DCC: variants seen among roughly 807,000 people sequenced by gnomAD.
The protein encoded by DCC is DCC netrin 1 receptor, also known as netrin receptor DCC.
In DCC, 58 loss-of-function variants were observed where a neutral mutation model predicts 172.5. The ratio of observed to expected loss-of-function variants is 0.34; its 90% CI spans 0.27 to 0.42. The LOEUF is 0.42. Ranked by LOEUF, DCC falls within the 10% of genes least tolerant of loss-of-function variation. The pLI is 1.00. For missense variants in DCC, 1,740 were observed against 1,791.0 expected, an observed-to-expected ratio of 0.97 and a Z score of 0.51; for synonymous variants, 709 against 644.5, an observed-to-expected ratio of 1.10 and a Z score of -1.52.
At chr18:52,476,430 T>C in intron 1 of DCC, among the ~76,000 whole-genome samples, 1 of 152,212 alleles carries the variant, frequency 6.6e-6, no homozygotes, top group East Asian at 1.9e-4. Context: ...CCGAAGGCAG[T>C]AATTTTTCTT....
chr18:53,403,248 GTTGT>G (rs1448762450), intron 19 of DCC, among the ~76,000 whole-genome samples: 3 of 152,042 alleles, frequency 2.0e-5, no homozygotes, highest in Non-Finnish European at 4.4e-5. Context: ...AAAGAAGCTG[GTTGT>G]TTGGCAATTA....
intron 12 of DCC, among the ~76,000 whole-genome samples, chr18:53,251,565 A>T (rs985912113): frequency 1.4e-4 from 21 of 151,952 alleles, no homozygotes. Flanking sequence ...ACATTTATCT[A>T]ATTCTAATCT....
chr18:52,365,313 T>C (rs1231440780), intron 1 of DCC, among the ~76,000 whole-genome samples: 3 of 152,206 alleles, frequency 2.0e-5, no homozygotes, highest in Non-Finnish European at 4.4e-5. Flanking sequence ...TTATCAAGTA[T>C]TGAGGCAAGG....
At chr18:53,460,040 T>C (rs1463882080) in intron 24 of DCC, among the ~76,000 whole-genome samples, 2 of 130,836 alleles carry the variant, frequency 1.5e-5, no homozygotes, top group African/African-American at 5.7e-5. Context: ...AACTATGTTG[T>C]TATACAAAGG....
intron 1 of DCC, among the ~76,000 whole-genome samples, chr18:52,607,549 G>A (rs980903564): frequency 1.3e-5 from 2 of 152,112 alleles, no homozygotes; most frequent in Non-Finnish European, 2.9e-5. Context: ...AGTGAAATCC[G>A]TGGGGCAAGG....
intron 27 of DCC, among the ~76,000 whole-genome samples, chr18:53,515,106 C>G (rs986571674): frequency 1.3e-5 from 2 of 151,724 alleles, no homozygotes; most frequent in African/African-American, 4.8e-5. Context: ...CCACCATGAT[C>G]AAGTGGGCTT....
rs139501719 is a variant in DCC, at chr18:52,899,511, G to A, written c.413-6533G>A. 3.1e-3 allele frequency among the ~76,000 whole-genome samples: 469 copies of A among 151,762 alleles called. 2 individuals are homozygous for A. The Middle Eastern group carries it at 0.041, about 13-fold the overall frequency. Reference sequence around the variant, plus strand: ...TGGGGTTACAGACATGTACCACCACGCCCATCTAATTTTTTGTATTTTTGA... The same window carrying A: ...TGGGGTTACAGACATGTACCACCACACCCATCTAATTTTTTGTATTTTTGA... On this transcript the variant is annotated intron_variant, in intron 2 of 28. Coordinates refer to ENST00000442544, the MANE Select transcript of DCC (RefSeq NM_005215.4).
chr18:52,595,278 C>T (rs1012162995), intron 1 of DCC, among the ~76,000 whole-genome samples: 29 of 152,186 alleles, frequency 1.9e-4, no homozygotes, highest in African/African-American at 7.0e-4. Context: ...CCAAAGAAGG[C>T]TGACACCTCC....
chr18:52,563,395 T>C (rs927907494), intron 1 of DCC, among the ~76,000 whole-genome samples: 2 of 152,124 alleles, frequency 1.3e-5, no homozygotes, highest in Non-Finnish European at 2.9e-5. Flanking sequence ...CAGAGACAAT[T>C]TGCCAAATTC....
chr18:52,536,471 T>A (rs552294982), intron 1 of DCC, among the ~76,000 whole-genome samples: 5 of 152,002 alleles, frequency 3.3e-5, no homozygotes, highest in Non-Finnish European at 7.4e-5. Context: ...CAAAGAAAAA[T>A]TACCAAACTG....
intron 8 of DCC, among the ~76,000 whole-genome samples, chr18:53,167,657 G>C (rs1419790462): frequency 6.6e-6 from 1 of 152,124 alleles, no homozygotes; most frequent in Non-Finnish European, 1.5e-5. Flanking sequence ...TATGCTCAGT[G>C]AATCTATATG....
chr18:52,801,682 A>G, intron 2 of DCC, among the ~76,000 whole-genome samples: 1 of 152,234 alleles, frequency 6.6e-6, no homozygotes, highest in East Asian at 1.9e-4. Context: ...AGCCACGTTC[A>G]AATTTGGAAT....
At chr18:53,152,949 A>G (rs1272980328) in intron 7 of DCC, among the ~76,000 whole-genome samples, 15 of 152,182 alleles carry the variant, frequency 9.9e-5, no homozygotes, top group African/African-American at 4.8e-5. Flanking sequence ...CTGAGTCTAG[A>G]CCAGCTCTGT....
chr18:52,397,639 C>T (rs973547603), intron 1 of DCC, among the ~76,000 whole-genome samples: 12 of 151,904 alleles, frequency 7.9e-5, no homozygotes, highest in Non-Finnish European at 1.2e-4. Context: ...TTGACTCTTC[C>T]GAATCTGCCC....
chr18:53,064,423 A>T (rs1368568103), intron 6 of DCC, among the ~76,000 whole-genome samples: 2 of 152,164 alleles, frequency 1.3e-5, no homozygotes, highest in African/African-American at 4.8e-5. Flanking sequence ...AGATGCAGAC[A>T]TGACACTTTC....
chr18:53,145,293 T>G (rs1191727540), intron 7 of DCC, among the ~76,000 whole-genome samples: 1 of 152,050 alleles, frequency 6.6e-6, no homozygotes, highest in Non-Finnish European at 1.5e-5. Flanking sequence ...GTTTGTATTT[T>G]TGGAAGAGAC....
chr18:52,424,071 T>C (rs746170190), intron 1 of DCC, among the ~76,000 whole-genome samples: 5 of 152,178 alleles, frequency 3.3e-5, no homozygotes, highest in Non-Finnish European at 5.9e-5. Flanking sequence ...TTTGTGGATG[T>C]TGATGAACTT....
At chr18:53,058,265 T>G (rs549028953) in intron 5 of DCC, among the ~76,000 whole-genome samples, 56 of 152,268 alleles carry the variant, frequency 3.7e-4, no homozygotes, top group Non-Finnish European at 6.3e-4. Context: ...TTAAATGATT[T>G]CTACAGAAAA....
intron 11 of DCC, among the ~76,000 whole-genome samples, chr18:53,213,704 A>G (rs2055796623): frequency 6.6e-6 from 1 of 150,780 alleles, no homozygotes; most frequent in African/African-American, 2.4e-5. Context: ...TAATATTAAG[A>G]CATTATTTCC....
Sources: allele counts gnomAD v4.1 joint callset (sites outside exome capture counted in the v4.1 genomes callset), GRCh38; gene constraint gnomAD v4.1.1; transcripts MANE v1.5; gene names NCBI Gene and HGNC (gene_info 2026-07-23, HGNC 2026-07-21).